MAP6: variants seen among roughly 807,000 people sequenced by gnomAD.
MAP6 encodes microtubule-associated protein 6.
In MAP6, 26 loss-of-function variants were observed where a neutral mutation model predicts 42.4. That is an observed-to-expected ratio of 0.61 (90% CI 0.45 to 0.85). The LOEUF is 0.85. Among genes scored for constraint, MAP6 ranks in the 40% least tolerant of loss-of-function variants. The pLI, the probability that MAP6 is intolerant of heterozygous loss-of-function variation, is 0.00. For missense variants in MAP6, 966 were observed against 1,099.0 expected (o/e 0.88, Z 1.71); for synonymous variants, 418 against 443.8 (o/e 0.94, Z 0.73).
At chr11:75,666,211 C>A (rs1406279760) in intron 1 of MAP6, among the ~76,000 whole-genome samples, 1 of 152,046 alleles carries the variant, frequency 6.6e-6, no homozygotes, top group East Asian at 1.9e-4. Context: ...CCCGAGAGAC[C>A]CCAAATGCAA....
chr11:75,608,137 T>C lies in MAP6; in HGVS notation c.1091A>G (p.Tyr364Cys). Residue 364 changes from tyrosine (Y) to cysteine (C), a missense_variant, in exon 2 of 4, where the codon TAC becomes TGC. Around this residue, in one of 2 missense-constraint regions of MAP6, gnomAD observed 943 missense variants for 1,049.9 expected, o/e 0.90. Transcript: ENST00000304771. ...TGGGGGTTCCTTGAAGGGTTCGCTG[T>C]AGAGGCTGCGTATTCTTCTGCGATC... Reference protein sequence around the residue: ...VIDRRRIRSLYSEPFKEPPKV... With the variant: ...VIDRRRIRSLCSEPFKEPPKV... 1 of 1,614,132 alleles carries C rather than the reference T, an allele frequency of 6.2e-7. No individual in the cohort carries two copies. Among genetic ancestry groups the C allele is most frequent in the Non-Finnish European group, 8.5e-7 (1 of 1,180,048 alleles).
chr11:75,632,516 T>C (rs1943299770), intron 1 of MAP6, among the ~76,000 whole-genome samples: 1 of 152,200 alleles, frequency 6.6e-6, no homozygotes, highest in Admixed American at 6.5e-5. Context: ...CTCTTTCCTT[T>C]CTCACAGAAT....
chr11:75,587,670 G>A lies in MAP6; in HGVS notation c.1831C>T (p.Pro611Ser), dbSNP rs796535891. ...APVKDQGPIV[P>S]APVKGEGPIV... ...GGACCTTCACCCTTGACAGGTGCTG[G>A]GACTATGGGACCTTGATCCTTGACA... The change falls in exon 4 of 4, where the codon CCA (proline) becomes TCA (serine). Residue 611 changes from proline to serine, a missense_variant. Physicochemically the swap from Pro to Ser is moderately conservative, Grantham distance 74. This residue lies in a region of MAP6 where 943 missense variants were observed against 1,049.9 expected (regional missense o/e 0.90). Transcript: ENST00000304771. The A allele has an allele frequency of 6.2e-7, 1 of 1,613,426 alleles. No homozygotes were observed.
chr11:75,604,653 C>T (rs545050955), intron 3 of MAP6: 32 of 985,186 alleles, frequency 3.2e-5, no homozygotes, highest in African/African-American at 3.5e-5. Context: ...TCTAGCACAG[C>T]GAAGGTGGCA....
intron 1 of MAP6, among the ~76,000 whole-genome samples, chr11:75,624,515 GACT>G (rs2135621054): frequency 6.6e-6 from 1 of 152,204 alleles, no homozygotes; most frequent in Admixed American, 6.5e-5. Flanking sequence ...GTCAGGGCCT[GACT>G]GGAACCCAGG....
Position 75,588,042 on chromosome 11 carries a change from A to G in MAP6, c.1459T>C (p.Ser487Pro), listed in dbSNP as rs1409811143. The change falls in exon 4 of 4, where the codon TCT becomes CCT. Residue 487 changes from serine (S) to proline (P), a missense_variant. By Grantham distance (74) the Ser-to-Pro change is moderately conservative. Transcript: ENST00000304771. Reference sequence around the variant, plus strand: ...TCCTTTGGAGGCCCTGGGACCACAGAACCTTGCTTCTTCAGAGGCTCTTGC... The same window carrying G: ...TCCTTTGGAGGCCCTGGGACCACAGGACCTTGCTTCTTCAGAGGCTCTTGC... ...MVQEPLKKQG[S>P]VVPGPPKDLG... is the part of the protein sequence containing the mutation. The G allele has an allele frequency of 6.2e-7, 1 of 1,614,014 alleles. No homozygotes were observed. The highest frequency in any genetic ancestry group is 1.7e-5 in the Admixed American group (1 of 60,018).
At chr11:75,628,732 C>A (rs555131206) in intron 1 of MAP6, among the ~76,000 whole-genome samples, 1 of 152,156 alleles carries the variant, frequency 6.6e-6, no homozygotes, top group East Asian at 1.9e-4. Context: ...TGAGACCCAT[C>A]CAAAATTTTG....
intron 3 of MAP6, among the ~76,000 whole-genome samples, chr11:75,588,480 G>A (rs1390589062): frequency 6.6e-6 from 1 of 152,136 alleles, no homozygotes; most frequent in Non-Finnish European, 1.5e-5. Context: ...AGCTGGACTC[G>A]GAGTCATCCA....
Position 75,608,299 on chromosome 11 carries a change from T to A in MAP6, c.929A>T (p.Asp310Val), listed in dbSNP as rs1427211668. The change falls in exon 2 of 4, where the codon GAC becomes GTC. Residue 310 changes from aspartate to valine, a missense_variant. Coordinates refer to ENST00000304771, the MANE Select transcript of MAP6 (RefSeq NM_033063.2). ...SYRNEFRAWT[D>V]IKPVKPIKAK... ...CTTTATTGGTTTCACAGGCTTGATG[T>A]CCGTCCATGCCCTGAATTCATTCCT... 6.2e-7 allele frequency: 1 copy of A among 1,614,200 alleles called. No individual in the cohort carries two copies. Among genetic ancestry groups the A allele is most frequent in the South Asian group, 1.1e-5 (1 of 91,078 alleles).
At chr11:75,641,341 G>A (rs1318399544) in intron 1 of MAP6, among the ~76,000 whole-genome samples, 2 of 122,226 alleles carry the variant, frequency 1.6e-5, no homozygotes, top group East Asian at 5.9e-4. Context: ...TTGTGGGGTG[G>A]GGGGAGGGGG....
chr11:75,602,214 T>A (rs1309839838), intron 3 of MAP6, among the ~76,000 whole-genome samples: 1 of 151,934 alleles, frequency 6.6e-6, no homozygotes, highest in East Asian at 1.9e-4. Context: ...CCCTTACATA[T>A]CCACACCCCA....
intron 1 of MAP6, among the ~76,000 whole-genome samples, chr11:75,620,285 C>T (rs1003281518): frequency 3.9e-5 from 6 of 151,994 alleles, no homozygotes; most frequent in Admixed American, 3.3e-4. Flanking sequence ...GCCCGGCCAA[C>T]ATGGTGAAAT....
At chr11:75,659,125 T>G (rs1356347798) in intron 1 of MAP6, among the ~76,000 whole-genome samples, 2 of 152,212 alleles carry the variant, frequency 1.3e-5, no homozygotes, top group Non-Finnish European at 2.9e-5. Flanking sequence ...TAATATGACA[T>G]GCAGGAAGTG....
At chr11:75,665,538 T>C (rs1590815624) in intron 1 of MAP6, among the ~76,000 whole-genome samples, 1 of 151,824 alleles carries the variant, frequency 6.6e-6, no homozygotes, top group Non-Finnish European at 1.5e-5. Flanking sequence ...AGAATGAGAG[T>C]GGGAAGATGA....
At chr11:75,650,997 C>T (rs1383355231) in intron 1 of MAP6, among the ~76,000 whole-genome samples, 1 of 152,124 alleles carries the variant, frequency 6.6e-6, no homozygotes, top group East Asian at 1.9e-4. Context: ...CCTCACCCAT[C>T]AGCACCACAA....
intron 1 of MAP6, among the ~76,000 whole-genome samples, chr11:75,622,021 T>TCAAAAAAAC (rs752104765): frequency 4.6e-5 from 7 of 151,124 alleles, no homozygotes; most frequent in Non-Finnish European, 7.4e-5. Flanking sequence ...AGACTCCATC[T>TCAAAAAAAC]CAAAAAAACC....
intron 1 of MAP6, among the ~76,000 whole-genome samples, chr11:75,638,279 C>A (rs1313296940): frequency 6.6e-6 from 1 of 152,204 alleles, no homozygotes; most frequent in Non-Finnish European, 1.5e-5. Context: ...CAGAACTCAT[C>A]TAGACAATGG....
chr11:75,607,547 A>G, intron 2 of MAP6: 2 of 985,446 alleles, frequency 2.0e-6, no homozygotes, highest in Non-Finnish European at 2.4e-6. Flanking sequence ...AAATGCTGGG[A>G]ACATATATTA....
intron 1 of MAP6, among the ~76,000 whole-genome samples, chr11:75,663,123 G>A (rs564986982): frequency 4.6e-5 from 7 of 151,970 alleles, no homozygotes; most frequent in Non-Finnish European, 7.4e-5. Context: ...CACCACGCCC[G>A]GCTAATTTTT....
Sources: allele counts gnomAD v4.1 joint callset (sites outside exome capture counted in the v4.1 genomes callset), GRCh38; gene constraint gnomAD v4.1.1; regional missense constraint gnomAD v4.1.1; transcripts MANE v1.5; gene names NCBI Gene and HGNC (gene_info 2026-07-23, HGNC 2026-07-21).